CAMK1: variants seen among roughly 807,000 people sequenced by gnomAD.
CAMK1 encodes calcium/calmodulin dependent protein kinase I.
Under a neutral mutation model 49.1 loss-of-function variants are expected in CAMK1, and 39 were observed. That is an observed-to-expected ratio of 0.79 (90% CI 0.62 to 1.04). The LOEUF is 1.04. Among genes scored for constraint, CAMK1 ranks in the 50% least tolerant of loss-of-function variants. The pLI is 0.00. For missense variants in CAMK1, 457 were observed against 472.2 expected (o/e 0.97, Z 0.30); for synonymous variants, 192 against 185.2 (o/e 1.04, Z -0.30).
At position 9,761,638 on chromosome 3, in the gene CAMK1, TC is replaced by T; in HGVS notation, c.548del (p.Gly183AspfsTer22). On this transcript the variant is annotated frameshift_variant, in exon 6 of 12. Transcript: ENST00000256460. LOFTEE classifies it high-confidence loss of function. ...SVLSTACGTP[G>X]YVAPEVLAQK... ...GCCCAGGGCCCTCCGCACCCACGTA[TC>T]CCGGAGTTCCACAGGCGGTGGAGAG... 1 of 1,614,038 alleles carries T rather than the reference TC, an allele frequency of 6.2e-7. No individual in the cohort carries two copies. Among genetic ancestry groups the T allele is most frequent in the Non-Finnish European group, 8.5e-7 (1 of 1,179,998 alleles).
At chr3:9,763,494 A>C (rs1208062109) in intron 3 of CAMK1, among the ~76,000 whole-genome samples, 1 of 151,974 alleles carries the variant, frequency 6.6e-6, no homozygotes, top group East Asian at 1.9e-4. Flanking sequence ...TGGGTAGGAC[A>C]AACCAAGGAT....
chr3:9,761,987 G>A, intron 5 of CAMK1: 1 of 525,884 alleles, frequency 1.9e-6, no homozygotes, highest in Non-Finnish European at 3.3e-6. Context: ...GGTGTGCACT[G>A]TAAAGCCCTA....
chr3:9,761,795 A>C, intron 5 of CAMK1, 38 bp from the exon 6 acceptor site: 1 of 1,611,660 alleles, frequency 6.2e-7, no homozygotes, highest in South Asian at 1.1e-5. Context: ...GCAATCAGAG[A>C]TGGTTAGAGG....
At chr3:9,768,273 A>G (rs2078210255) in intron 1 of CAMK1, among the ~76,000 whole-genome samples, 2 of 152,198 alleles carry the variant, frequency 1.3e-5, no homozygotes, top group South Asian at 2.1e-4. Context: ...GCTTCCAGCA[A>G]CATCTCAGCC....
chr3:9,769,768 G>T (rs2078260264), intron 1 of CAMK1, 64 bp downstream of exon 1: 1 of 152,170 alleles, frequency 6.6e-6, no homozygotes, highest in Non-Finnish European at 1.5e-5. Context: ...ATACCCAGAG[G>T]CTAGGGGCTC....
In CAMK1 at chr3:9,761,725, T is replaced by C; in HGVS notation, c.462A>G (p.Glu154=). Residue 154 remains glutamate, a synonymous_variant, in exon 6 of 12, where the codon GAA becomes GAG. Transcript: ENST00000256460. ...AGTCGGAGATCATGATTTTGGAGTCTTCATCCAGGCTGTAGTACAGCAGAT... is the reference window on the plus strand; with the variant it reads ...AGTCGGAGATCATGATTTTGGAGTCCTCATCCAGGCTGTAGTACAGCAGAT... ...PENLLYYSLD[E]DSKIMISDFG... 1 of 1,614,138 alleles carries C rather than the reference T, an allele frequency of 6.2e-7. No individual in the cohort carries two copies. Among genetic ancestry groups the C allele is most frequent in the Non-Finnish European group, 8.5e-7 (1 of 1,180,014 alleles).
rs1288826075 is a variant in CAMK1, at chr3:9,757,509, G to T, written c.*30C>A. 1 of 1,607,188 alleles carries T rather than the reference G, an allele frequency of 6.2e-7. No homozygotes were observed. The highest frequency in any genetic ancestry group is 8.5e-7 in the Non-Finnish European group (1 of 1,175,090). ...GCAGGCTGCCCCCAAGCCCTCCCAC[G>T]CAGAGGATCATGACCCGAGGTCCAG... On this transcript the variant is annotated 3_prime_UTR_variant, in exon 12 of 12. Coordinates refer to ENST00000256460, the MANE Select transcript of CAMK1 (RefSeq NM_003656.5). The surrounding 1 kb of genome is among the most constrained non-coding windows in gnomAD (Gnocchi z 4.5).
chr3:9,759,839 C>T (rs757515059), intron 8 of CAMK1, 89 bp from the exon 9 acceptor site: 2 of 1,608,094 alleles, frequency 1.2e-6, no homozygotes, highest in Admixed American at 1.7e-5. Flanking sequence ...CAGGTCTGGC[C>T]TGGCATCAAG....
chr3:9,759,223 G>A (rs750442828), intron 10 of CAMK1: 24 of 1,613,962 alleles, frequency 1.5e-5, no homozygotes, highest in South Asian at 7.7e-5. Flanking sequence ...GACCTTTCTC[G>A]GACCCCATAG....
At chr3:9,762,311 T>C (rs949836086) in intron 5 of CAMK1, 2 of 154,134 alleles carry the variant, frequency 1.3e-5, no homozygotes, top group African/African-American at 4.8e-5. Flanking sequence ...TCTTTATGTT[T>C]TGCTGTCCCA....
intron 5 of CAMK1, among the ~76,000 whole-genome samples, chr3:9,762,645 G>A (rs1472910895): frequency 3.3e-5 from 5 of 152,058 alleles, no homozygotes; most frequent in African/African-American, 1.2e-4. Context: ...GATTACAGGC[G>A]TGAGCCATCC....
chr3:9,766,085 C>G lies in CAMK1; in HGVS notation c.84-195G>C, dbSNP rs773379122. The G allele has an allele frequency of 2.0e-6, 3 of 1,528,982 alleles. No individual in the cohort carries two copies. The East Asian group carries it at 7.2e-5, about 37-fold the overall frequency. 94.7% of individuals were successfully genotyped at this position (1,528,982 alleles called of 1,614,324 possible). A position where few individuals can be genotyped will look rare whatever the true frequency, so the allele number is the denominator to read the frequency against. On this transcript the variant is annotated intron_variant, in intron 2 of 11. Transcript: ENST00000256460. Reference sequence around the variant, plus strand: ...CTGGCCAGTCAAAGTAGTCTCTCCCCTGGCCACAGTAATTGGTCATGTGAT... The same window carrying G: ...CTGGCCAGTCAAAGTAGTCTCTCCCGTGGCCACAGTAATTGGTCATGTGAT...
At chr3:9,763,613 A>G (rs2077998455) in intron 3 of CAMK1, among the ~76,000 whole-genome samples, 1 of 152,156 alleles carries the variant, frequency 6.6e-6, no homozygotes. Flanking sequence ...ACCTGGGTCC[A>G]AATCCTGCCC....
At position 9,757,783 on chromosome 3, in the gene CAMK1, C is replaced by A; in HGVS notation, c.976G>T (p.Glu326Ter). 3.7e-6 allele frequency: 6 copies of A among 1,614,094 alleles called. No homozygotes were observed. The highest frequency in any genetic ancestry group is 3.4e-6 in the Non-Finnish European group (4 of 1,179,976). The part of the protein sequence containing the change: ...MRKLQLGTSQ[E>*]GQGQTASHGE... ...TGGCTCGCCGTCTGCCCCTGCCCCT[C>A]CTGGCTGGTGCCCAGCTGCAGTTTC... Residue 326 changes from glutamate to a stop codon, truncating the protein, a stop_gained, in exon 11 of 12, where the codon GAG (glutamate) becomes TAG (stop). Coordinates refer to ENST00000256460, the MANE Select transcript of CAMK1 (RefSeq NM_003656.5). LOFTEE classifies it high-confidence loss of function. The surrounding 1 kb of genome is among the most constrained non-coding windows in gnomAD (Gnocchi z 4.5).
In CAMK1 at chr3:9,767,619, A is replaced by C. The variant is rs750132054; in HGVS notation, c.83+48T>G. On this transcript the variant is annotated intron_variant, in intron 2 of 11. Coordinates refer to ENST00000256460, the MANE Select transcript of CAMK1 (RefSeq NM_003656.5). The stretch of plus-strand genomic sequence containing the variant: ...TTGACCAGAGGAAGCCCCACCCTGG[A>C]CTCAGCCTCCCTCAGCCATCCAGCA... The C allele has an allele frequency of 1.1e-5, 17 of 1,610,556 alleles. No homozygotes were observed. The South Asian group carries it at 1.8e-4, about 17-fold the overall frequency.
intron 3 of CAMK1, among the ~76,000 whole-genome samples, chr3:9,764,215 TGA>T (rs2078029321): frequency 6.6e-6 from 1 of 152,340 alleles, no homozygotes; most frequent in African/African-American, 2.4e-5. Context: ...GAGGATCATG[TGA>T]GATAATGCAG....
intron 10 of CAMK1, chr3:9,758,055 A>G: frequency 1.6e-6 from 1 of 625,948 alleles, no homozygotes; most frequent in Non-Finnish European, 2.6e-6. Flanking sequence ...ATGTATGTGT[A>G]TCTATATATA....
chr3:9,761,831 G>A (rs1005547212), intron 5 of CAMK1, 74 bp from the exon 6 acceptor site: 1 of 1,569,386 alleles, frequency 6.4e-7, no homozygotes, highest in Non-Finnish European at 8.6e-7. Context: ...GCCGCTCCAA[G>A]CACCTTCTGA....
chr3:9,759,612 C>A, intron 9 of CAMK1, 37 bp from the exon 10 acceptor site: 1 of 1,614,130 alleles, frequency 6.2e-7, no homozygotes, highest in Non-Finnish European at 8.5e-7. Context: ...CCTATGAGGG[C>A]AGAAGCAGAC....
Sources: gnomAD v4.1 joint callset for allele counts (sites outside exome capture counted in the v4.1 genomes callset) on GRCh38, gnomAD v4.1.1 for gene constraint, Gnocchi (gnomAD v3.1) non-coding constraint, MANE v1.5 for transcripts, NCBI Gene and HGNC (gene_info 2026-07-23, HGNC 2026-07-21) for gene names.